Variants in RPH3A observed in about 807,000 individuals in gnomAD.
The protein encoded by RPH3A is rabphilin 3A.
In RPH3A, 48 loss-of-function variants were observed where a neutral mutation model predicts 102.2. The ratio of observed to expected loss-of-function variants is 0.47; its 90% confidence interval spans 0.37 to 0.60. The LOEUF is 0.60. Ranked by LOEUF, RPH3A falls within the 20% of genes least tolerant of loss-of-function variation. The pLI, the probability that RPH3A is intolerant of heterozygous loss-of-function variation, is 0.00. For missense variants in RPH3A, 781 were observed against 910.1 expected (o/e 0.86, Z 1.83); for synonymous variants, 310 against 324.3 (o/e 0.96, Z 0.47).
chr12:112,870,326 A>AC (rs1260024155), intron 10 of RPH3A, among the ~76,000 whole-genome samples: 1 of 151,812 alleles, frequency 6.6e-6, no homozygotes, highest in Non-Finnish European at 1.5e-5. Flanking sequence ...AAAAAAAAAA[A>AC]AAACCCTGGG....
chr12:112,810,962 CATAT>C (rs34529423), intron 2 of RPH3A, among the ~76,000 whole-genome samples: 1 of 150,986 alleles, frequency 6.6e-6, no homozygotes, highest in Admixed American at 6.6e-5. Flanking sequence ...TTTGTGTGTA[CATAT>C]ATGTGTGTGT....
chr12:112,635,574 G>A (rs1041013766), intron 1 of RPH3A, among the ~76,000 whole-genome samples: 2 of 152,022 alleles, frequency 1.3e-5, no homozygotes, highest in African/African-American at 4.8e-5. Flanking sequence ...TGCCAAAGAG[G>A]CTTATGATTG....
Position 112,670,402 on chromosome 12 carries a change from C to T in RPH3A, c.-140+95083C>T, listed in dbSNP as rs558639603. ...TTCAACATTTTGGCCAGGCTGGTCT[C>T]GAACTCCTGACCTCAGGAGTTCTGC... On this transcript the variant is annotated intron_variant, in intron 1 of 21. Coordinates refer to the RPH3A transcript ENST00000543106. Among the ~76,000 whole-genome samples the T allele has an allele frequency of 5.3e-5, 8 of 152,168 alleles. No homozygotes were observed. The South Asian group carries it at 1.7e-3, about 32-fold the overall frequency.
At chr12:112,707,829 C>A (rs1364900724) in intron 1 of RPH3A, among the ~76,000 whole-genome samples, 1 of 152,196 alleles carries the variant, frequency 6.6e-6, no homozygotes, top group Non-Finnish European at 1.5e-5. Flanking sequence ...GCCTGATGTG[C>A]AGCAAGGCAA....
intron 1 of RPH3A, among the ~76,000 whole-genome samples, chr12:112,669,167 G>A (rs1347860944): frequency 1.3e-5 from 2 of 152,174 alleles, no homozygotes; most frequent in African/African-American, 4.8e-5. Flanking sequence ...ACCACAGGAG[G>A]CAGGGCTGGA....
At chr12:112,715,193 T>C (rs548136346) in intron 1 of RPH3A, among the ~76,000 whole-genome samples, 1 of 152,324 alleles carries the variant, frequency 6.6e-6, no homozygotes, top group Middle Eastern at 3.4e-3. Context: ...AACCAGCTCT[T>C]CCCTCTACCT....
intron 3 of RPH3A, among the ~76,000 whole-genome samples, chr12:112,829,409 T>C (rs1015282907): frequency 2.0e-5 from 3 of 151,998 alleles, no homozygotes; most frequent in African/African-American, 4.8e-5. Context: ...TAGCTTGGAC[T>C]ACAGGCATGC....
chr12:112,847,821 A>G lies in RPH3A; in HGVS notation c.209A>G (p.Glu70Gly), dbSNP rs559216823. Residue 70 changes from glutamate to glycine, a missense_variant, in exon 5 of 22, where the codon GAG becomes GGG. By Grantham distance (98) the Glu-to-Gly change is moderately conservative. Around this residue, in one of 2 missense-constraint regions of RPH3A, gnomAD observed 730 missense variants for 810.0 expected, o/e 0.90. Coordinates refer to ENST00000389385, the MANE Select transcript of RPH3A (RefSeq NM_001143854.2). ...RVIARAEKME[E>G]MEQERIGRLV... ...ATTGCTCGAGCTGAGAAAATGGAAGAGATGGAGCAGGAGCGAATCGGGTGA... is the reference window on the plus strand; with the variant it reads ...ATTGCTCGAGCTGAGAAAATGGAAGGGATGGAGCAGGAGCGAATCGGGTGA... 1.2e-6 allele frequency: 2 copies of G among 1,614,196 alleles called. No individual in the cohort carries two copies. The highest frequency in any genetic ancestry group is 1.7e-6 in the Non-Finnish European group (2 of 1,180,014).
At chr12:112,777,899 T>C (rs1056044187) in intron 1 of RPH3A, among the ~76,000 whole-genome samples, 3 of 152,228 alleles carry the variant, frequency 2.0e-5, no homozygotes, top group Non-Finnish European at 4.4e-5. Context: ...TTCTGTTTAT[T>C]GACAAGGAAA....
At chr12:112,738,973 C>A (rs1223896030) in intron 1 of RPH3A, among the ~76,000 whole-genome samples, 1 of 152,114 alleles carries the variant, frequency 6.6e-6, no homozygotes, top group African/African-American at 2.4e-5. Context: ...TAGATGCATG[C>A]ACGAAGGAGA....
chr12:112,837,972 T>C (rs1301828782), intron 4 of RPH3A, among the ~76,000 whole-genome samples: 1 of 148,798 alleles, frequency 6.7e-6, no homozygotes, highest in Admixed American at 6.8e-5. Flanking sequence ...CCAAGCACCA[T>C]GCTAAGCACC....
At chr12:112,690,006 G>A (rs914379886) in intron 1 of RPH3A, among the ~76,000 whole-genome samples, 2 of 152,086 alleles carry the variant, frequency 1.3e-5, no homozygotes, top group East Asian at 1.9e-4. Context: ...AGTGAGGAGG[G>A]GATATTTTCC....
At chr12:112,847,499 T>C (rs2042249525) in intron 4 of RPH3A, among the ~76,000 whole-genome samples, 197 bp from the exon 5 acceptor site, 2 of 152,216 alleles carry the variant, frequency 1.3e-5, no homozygotes, top group African/African-American at 4.8e-5. Context: ...GTGTCTACTG[T>C]GTACTAAGCA....
chr12:112,635,786 T>C (rs1307662551), intron 1 of RPH3A, among the ~76,000 whole-genome samples: 1 of 152,146 alleles, frequency 6.6e-6, no homozygotes, highest in Non-Finnish European at 1.5e-5. Context: ...AGGGAATGGA[T>C]TTTATAGACC....
chr12:112,670,391 C>T (rs2040119087), intron 1 of RPH3A, among the ~76,000 whole-genome samples: 1 of 152,090 alleles, frequency 6.6e-6, no homozygotes, highest in African/African-American at 2.4e-5. Flanking sequence ...ACATTTTGGC[C>T]AGGCTGGTCT....
chr12:112,781,109 C>A (rs10774661), intron 1 of RPH3A, among the ~76,000 whole-genome samples: 137,192 of 152,178 alleles, frequency 0.9, 61,899 homozygotes, highest in African/African-American at 0.96. Flanking sequence ...GTAGTGAGCC[C>A]AGATCATGCC....
intron 14 of RPH3A, among the ~76,000 whole-genome samples, chr12:112,880,126 C>T (rs533632439): frequency 3.0e-4 from 45 of 152,330 alleles, no homozygotes; most frequent in African/African-American, 1.0e-3. Flanking sequence ...TAGACCAACA[C>T]ATTCCTTTGC....
At chr12:112,661,724 T>A (rs986465582) in intron 1 of RPH3A, among the ~76,000 whole-genome samples, 2 of 151,674 alleles carry the variant, frequency 1.3e-5, no homozygotes, top group Non-Finnish European at 2.9e-5. Context: ...TCCTGTTCAG[T>A]CTTCAGAATA....
intron 1 of RPH3A, among the ~76,000 whole-genome samples, chr12:112,674,458 G>A (rs1254511038): frequency 6.6e-6 from 1 of 152,136 alleles, no homozygotes; most frequent in Non-Finnish European, 1.5e-5. Flanking sequence ...TGCTGCAGTG[G>A]GCATCACATG....
Sources: allele counts gnomAD v4.1 joint callset (sites outside exome capture counted in the v4.1 genomes callset), GRCh38; gene constraint gnomAD v4.1.1; regional missense constraint gnomAD v4.1.1; transcripts MANE v1.5; gene names NCBI Gene and HGNC (gene_info 2026-07-23, HGNC 2026-07-21).